Variants in RASSF8 observed in about 807,000 individuals in gnomAD.
RASSF8 encodes the protein ras association domain-containing protein 8.
RASSF8 carries 22 observed loss-of-function variants against 48.5 expected under a neutral mutation model. That is an observed-to-expected ratio of 0.45 (90% CI 0.32 to 0.65). The LOEUF (loss-of-function observed/expected upper bound fraction) is 0.65, where lower values mean the gene tolerates loss of function less well. Ranked by LOEUF, RASSF8 falls within the 30% of genes least tolerant of loss-of-function variation. The probability of loss-of-function intolerance (pLI) is 0.03; values close to 1 mark genes in which losing one functional copy is unlikely to be tolerated. For missense variants in RASSF8, 418 were observed against 489.2 expected (o/e 0.85, Z 1.37); for synonymous variants, 127 against 171.5 (o/e 0.74, Z 2.03).
chr12:26,023,391 G>GAA (rs1171172530), intron 2 of RASSF8, among the ~76,000 whole-genome samples: 1 of 152,096 alleles, frequency 6.6e-6, no homozygotes, highest in Admixed American at 6.5e-5. Flanking sequence ...AGCAGCAATA[G>GAA]AAAAGTGTTA....
chr12:26,074,542 A>G (rs1204372544), downstream of RASSF8, among the ~76,000 whole-genome samples: 1 of 150,314 alleles, frequency 6.7e-6, no homozygotes, highest in Non-Finnish European at 1.5e-5. Flanking sequence ...ACGGGCTTTC[A>G]CTATGTTGAC....
intron 2 of RASSF8, among the ~76,000 whole-genome samples, chr12:26,033,644 C>T (rs951876007): frequency 5.9e-5 from 9 of 151,796 alleles, no homozygotes; most frequent in African/African-American, 2.2e-4. Context: ...TAGTATCCAT[C>T]TTCATAGAAA....
chr12:25,979,331 G>A (rs1941683218), intron 1 of RASSF8, among the ~76,000 whole-genome samples: 1 of 152,050 alleles, frequency 6.6e-6, no homozygotes, highest in African/African-American at 2.4e-5. Flanking sequence ...GAAACAAAGG[G>A]GAAAAGAGCC....
intron 2 of RASSF8, among the ~76,000 whole-genome samples, chr12:26,033,758 G>A (rs1484705792): frequency 6.6e-6 from 1 of 152,038 alleles, no homozygotes; most frequent in Non-Finnish European, 1.5e-5. Context: ...CCTTGTCCCT[G>A]TCAAGTTTGC....
chr12:26,000,506 A>C (rs1174721452), intron 2 of RASSF8, among the ~76,000 whole-genome samples: 2 of 152,188 alleles, frequency 1.3e-5, no homozygotes, highest in Admixed American at 1.3e-4. Context: ...TTACATTATT[A>C]ATATATAATT....
chr12:26,032,680 G>A (rs1445631008), intron 2 of RASSF8, among the ~76,000 whole-genome samples: 1 of 152,162 alleles, frequency 6.6e-6, no homozygotes, highest in East Asian at 1.9e-4. Context: ...AGTGAAAAGA[G>A]CTAGATAGAT....
rs186426820 is a variant in RASSF8 at position 26,061,659 on chromosome 12, A to C, written c.104-2839A>C. Among the ~76,000 whole-genome samples, 71 of 152,284 alleles carry C rather than the reference A, an allele frequency of 4.7e-4. 1 individual carries two copies. The highest frequency in any genetic ancestry group is 5.9e-5 in the Non-Finnish European group (4 of 67,996). On this transcript the variant is annotated intron_variant, in intron 3 of 5. Coordinates refer to ENST00000689635, the MANE Select transcript of RASSF8 (RefSeq NM_001394098.1). ...ATGTATCCATGTGGTCAAATACGCT[A>C]AAAGGAGTTTTGCAGGAGGAATCAG... is the stretch of plus-strand genomic sequence containing the variant.
chr12:26,052,008 AG>A (rs1359425328), intron 2 of RASSF8, among the ~76,000 whole-genome samples: 1 of 152,228 alleles, frequency 6.6e-6, no homozygotes, highest in Non-Finnish European at 1.5e-5. Flanking sequence ...CATGGCACCA[AG>A]TAGACTGAGA....
intron 2 of RASSF8, among the ~76,000 whole-genome samples, chr12:26,009,455 A>T (rs944127974): frequency 2.6e-5 from 4 of 152,114 alleles, no homozygotes; most frequent in African/African-American, 9.7e-5. Flanking sequence ...GGTGGCGGAG[A>T]TGCTGGGCAT....
intron 2 of RASSF8, among the ~76,000 whole-genome samples, chr12:25,997,153 C>G (rs1010678050): frequency 6.6e-6 from 1 of 152,026 alleles, no homozygotes; most frequent in African/African-American, 2.4e-5. Context: ...AAGTTTAAAG[C>G]CCATATTTTG....
chr12:26,039,820 T>G (rs1181635179), intron 2 of RASSF8, among the ~76,000 whole-genome samples: 1 of 152,242 alleles, frequency 6.6e-6, no homozygotes, highest in East Asian at 1.9e-4. Flanking sequence ...GTGGATCTGT[T>G]TAAATAAAAG....
chr12:26,073,561 A>AC (rs550008304), downstream of RASSF8, among the ~76,000 whole-genome samples: 404 of 152,126 alleles, frequency 2.7e-3, 2 homozygotes, highest in Middle Eastern at 6.8e-3. Context: ...ACGTGGCGAA[A>AC]CCCCGTCTGT....
chr12:26,073,828 ACACACAC>A (rs1364021027), downstream of RASSF8, among the ~76,000 whole-genome samples: 8 of 112,820 alleles, frequency 7.1e-5, no homozygotes, highest in Admixed American at 2.6e-4. Context: ...ACATACACAC[ACACACAC>A]ACACACACAC....
intron 3 of RASSF8, among the ~76,000 whole-genome samples, chr12:26,057,602 CTT>C (rs1943635691): frequency 6.6e-6 from 1 of 152,166 alleles, no homozygotes; most frequent in Non-Finnish European, 1.5e-5. Context: ...GTGCGTGTGT[CTT>C]TATAGCAGCG....
rs1944095360 is a variant in RASSF8, at chr12:26,079,048, C to T, written c.1154C>T (p.Ser385Phe). Residue 385 changes from serine to phenylalanine, a missense_variant, in exon 6 of 6, where the codon TCT becomes TTT. Transcript: ENST00000381352. ...TTTTATCTAGGGATCATCATTCTTTCTGATAAGCAGGAGTGTAAAGATTAG... is the reference window on the plus strand; with the variant it reads ...TTTTATCTAGGGATCATCATTCTTTTTGATAAGCAGGAGTGTAAAGATTAG... The T allele has an allele frequency of 2.6e-6, 4 of 1,546,104 alleles. No individual in the cohort carries two copies. The South Asian group carries it at 4.8e-5, about 19-fold the overall frequency.
intron 1 of RASSF8, among the ~76,000 whole-genome samples, chr12:25,979,876 G>T (rs754766112): frequency 1.3e-5 from 2 of 152,212 alleles, no homozygotes; most frequent in Non-Finnish European, 2.9e-5. Flanking sequence ...GCAGCACAGG[G>T]AGTGTTTCAG....
chr12:26,028,085 G>A (rs529855143), intron 2 of RASSF8, among the ~76,000 whole-genome samples: 3 of 152,192 alleles, frequency 2.0e-5, no homozygotes, highest in African/African-American at 7.2e-5. Flanking sequence ...GTAAAGCAGG[G>A]GACAGATTAT....
intron 3 of RASSF8, among the ~76,000 whole-genome samples, chr12:26,061,405 T>C (rs1299329439): frequency 1.3e-5 from 2 of 152,164 alleles, no homozygotes; most frequent in African/African-American, 2.4e-5. Context: ...TTCTTCAGTA[T>C]ATAAATTTAA....
intron 2 of RASSF8, among the ~76,000 whole-genome samples, chr12:26,024,649 G>A (rs759608325): frequency 6.6e-6 from 1 of 152,158 alleles, no homozygotes; most frequent in Non-Finnish European, 1.5e-5. Context: ...TGCAAGGGTT[G>A]GTTAGACATA....
Sources: gnomAD v4.1 joint callset for allele counts (sites outside exome capture counted in the v4.1 genomes callset) on GRCh38, gnomAD v4.1.1 for gene constraint, MANE v1.5 for transcripts, NCBI Gene and HGNC (gene_info 2026-07-23, HGNC 2026-07-21) for gene names.